PTGIS: variants seen among roughly 807,000 people sequenced by gnomAD.
PTGIS encodes the protein prostaglandin I2 synthase.
A neutral mutation model predicts 50.3 loss-of-function variants in PTGIS; 45 were observed. That is an observed-to-expected ratio of 0.90 (90% CI 0.70 to 1.15). PTGIS has a LOEUF of 1.15. Among genes scored for constraint, PTGIS ranks in the 50% most tolerant of loss-of-function variants. PTGIS has a pLI of 0.00. For synonymous variants in PTGIS, 260 were observed against 267.7 expected, an observed-to-expected ratio of 0.97 and a Z score of 0.28; for missense variants, 668 against 661.3, an observed-to-expected ratio of 1.01 and a Z score of -0.11.
chr20:49,521,837 G>T, intron 6 of PTGIS, among the ~76,000 whole-genome samples: 1 of 152,154 alleles, frequency 6.6e-6, no homozygotes, highest in Non-Finnish European at 1.5e-5. Context: ...GAGCTGTGCA[G>T]CATGGAAGGC....
At chr20:49,508,295 G>A (rs1180242389) in intron 9 of PTGIS, among the ~76,000 whole-genome samples, 2 of 152,246 alleles carry the variant, frequency 1.3e-5, no homozygotes, top group Non-Finnish European at 2.9e-5. Context: ...GTGTGCAGAA[G>A]TGGCCTGTGT....
rs553164011 is a variant in PTGIS, at chr20:49,538,711, G to A, written c.673+859C>T. Among the ~76,000 whole-genome samples, 34 of 151,802 alleles carry A rather than the reference G, an allele frequency of 2.2e-4. 2 individuals carry two copies. The South Asian group carries it at 6.7e-3, about 30-fold the overall frequency. On this transcript the variant is annotated intron_variant, in intron 5 of 9. Coordinates refer to ENST00000244043, the MANE Select transcript of PTGIS (RefSeq NM_000961.4). ...TATTTATTTATTTATTTAAGACAGA[G>A]TCTGGCTCTGTCACTCAGGCTGGAG... is the stretch of plus-strand genomic sequence containing the variant.
At chr20:49,551,776 GTGTA>G (rs1237614288) in intron 1 of PTGIS, among the ~76,000 whole-genome samples, 9 of 150,620 alleles carry the variant, frequency 6.0e-5, no homozygotes, top group Admixed American at 5.3e-4. Context: ...GTGTATGCGT[GTGTA>G]TGTGTGTGTA....
chr20:49,539,577 C>T lies in PTGIS; in HGVS notation c.666G>A (p.Leu222=), dbSNP rs1262917740. Residue 222 remains leucine, a synonymous_variant, in exon 5 of 10, where the codon CTG becomes CTA. Coordinates refer to ENST00000244043, the MANE Select transcript of PTGIS (RefSeq NM_000961.4). The part of the protein sequence containing the change: ...RLLPKLARGS[L]SVGDKDHMCS... ...GGCCCCCATGGTGCTTACCCACTGA[C>T]AGGGAGCCACGGGCCAGTTTGGGGA... 2.5e-6 allele frequency: 4 copies of T among 1,613,736 alleles called. No homozygotes were observed. Among genetic ancestry groups the T allele is most frequent in the Non-Finnish European group, 8.5e-7 (1 of 1,179,918 alleles).
intron 5 of PTGIS, among the ~76,000 whole-genome samples, chr20:49,536,470 C>CTTTTTTT (rs1471525960): frequency 2.7e-4 from 37 of 135,070 alleles, no homozygotes; most frequent in Non-Finnish European, 3.6e-4. Context: ...TTCTTTCTTT[C>CTTTTTTT]TTTCTTTCTT....
chr20:49,563,169 T>C (rs1982818805), intron 1 of PTGIS, among the ~76,000 whole-genome samples: 1 of 152,104 alleles, frequency 6.6e-6, no homozygotes, highest in African/African-American at 2.4e-5. Flanking sequence ...TCTGGGAGGA[T>C]TTAATGGGGA....
At chr20:49,539,519 C>T in intron 5 of PTGIS, 51 bp downstream of exon 5, 1 of 1,591,984 alleles carries the variant, frequency 6.3e-7, no homozygotes, top group Non-Finnish European at 8.6e-7. Context: ...GGCTCCCCCT[C>T]TGGGTCTTTC....
intron 5 of PTGIS, among the ~76,000 whole-genome samples, chr20:49,534,419 C>T (rs1331623702): frequency 6.6e-6 from 1 of 152,208 alleles, no homozygotes; most frequent in Non-Finnish European, 1.5e-5. Flanking sequence ...CCCACATTGC[C>T]ACCTGCTGCT....
intron 2 of PTGIS, 52 bp from the exon 3 acceptor site, chr20:49,548,071 C>T (rs770510953): frequency 1.7e-4 from 260 of 1,553,124 alleles, no homozygotes; most frequent in Admixed American, 6.0e-4. Context: ...GAACAGCAGC[C>T]GCTCTCAGTG....
intron 5 of PTGIS, among the ~76,000 whole-genome samples, chr20:49,525,743 G>A (rs1292858873): frequency 6.6e-6 from 1 of 152,098 alleles, no homozygotes; most frequent in Non-Finnish European, 1.5e-5. Context: ...CCTTGGAAAA[G>A]TGAGAGTCAT....
intron 1 of PTGIS, among the ~76,000 whole-genome samples, chr20:49,555,962 C>G (rs938243633): frequency 3.3e-5 from 5 of 152,186 alleles, no homozygotes; most frequent in Non-Finnish European, 5.9e-5. Context: ...TTGAGCAGAA[C>G]AGGAGTTAAT....
intron 3 of PTGIS, among the ~76,000 whole-genome samples, chr20:49,545,187 C>T (rs1424295572): frequency 6.6e-6 from 1 of 152,100 alleles, no homozygotes; most frequent in Non-Finnish European, 1.5e-5. Context: ...GGGAGGATCG[C>T]CTGAGTCTAA....
intron 1 of PTGIS, among the ~76,000 whole-genome samples, chr20:49,567,395 T>G (rs1340594874): frequency 6.6e-6 from 1 of 152,150 alleles, no homozygotes; most frequent in Non-Finnish European, 1.5e-5. Context: ...AGGTAGAGAC[T>G]TCATAGGCCT....
intron 3 of PTGIS, 57 bp from the exon 4 acceptor site, chr20:49,544,505 C>T: frequency 6.2e-7 from 1 of 1,601,714 alleles, no homozygotes; most frequent in South Asian, 1.1e-5. Flanking sequence ...TACACACCTA[C>T]AGGCACCTCC....
Position 49,507,843 on chromosome 20 carries a change from C to T in PTGIS, c.*77G>A. Reference sequence around the variant, plus strand: ...CACCTGCACCCGGGCCAACTGTGCACACAGAAAGCTGGGAGGCTGGGGCAG... The same window carrying T: ...CACCTGCACCCGGGCCAACTGTGCATACAGAAAGCTGGGAGGCTGGGGCAG... On this transcript the variant is annotated 3_prime_UTR_variant, in exon 10 of 10. Transcript: ENST00000244043. 3 of 1,592,116 alleles carry T rather than the reference C, an allele frequency of 1.9e-6. No homozygotes were observed. Among genetic ancestry groups the T allele is most frequent in the East Asian group, 2.2e-5 (1 of 44,624 alleles).
chr20:49,508,141 T>C (rs1845829203), intron 9 of PTGIS, 77 bp from the exon 10 acceptor site: 2 of 1,536,924 alleles, frequency 1.3e-6, no homozygotes, highest in South Asian at 1.1e-5. Context: ...AGGGGAGCCA[T>C]GGCTGCCTCC....
chr20:49,527,123 T>C (rs1421580626), intron 5 of PTGIS, among the ~76,000 whole-genome samples: 3 of 152,148 alleles, frequency 2.0e-5, no homozygotes, highest in Non-Finnish European at 2.9e-5. Context: ...ATACACACAA[T>C]GTATTCACTC....
chr20:49,506,301 G>C lies in PTGIS; in HGVS notation c.*1619C>G, dbSNP rs5599. On this transcript the variant is annotated 3_prime_UTR_variant, in exon 10 of 10. Transcript: ENST00000244043. Reference sequence around the variant, plus strand: ...GGCATTTAAAGGGTCTCAATAAACAGGACTTTATATTAATAAAAATAGCAT... The same window carrying C: ...GGCATTTAAAGGGTCTCAATAAACACGACTTTATATTAATAAAAATAGCAT... 6.6e-6 allele frequency: 1 copy of C among 152,124 alleles called. No homozygotes were observed. The highest frequency in any genetic ancestry group is 6.5e-5 in the Admixed American group (1 of 15,280). The allele number at this position is 152,124 out of a possible 1,614,324, so 9.4% of individuals were successfully genotyped here. A position where few individuals can be genotyped will look rare whatever the true frequency, so the allele number is the denominator to read the frequency against.
intron 3 of PTGIS, among the ~76,000 whole-genome samples, chr20:49,547,046 A>G (rs1318937933): frequency 1.3e-5 from 2 of 152,210 alleles, no homozygotes; most frequent in African/African-American, 4.8e-5. Context: ...TGCCTGGACA[A>G]CATGATGAAA....
Sources: gnomAD v4.1 joint callset for allele counts (sites outside exome capture counted in the v4.1 genomes callset) on GRCh38, gnomAD v4.1.1 for gene constraint, MANE v1.5 for transcripts, NCBI Gene and HGNC (gene_info 2026-07-23, HGNC 2026-07-21) for gene names.